The following CA10 variants were observed in gnomAD, a reference collection of about 807,000 sequenced individuals.
The protein encoded by CA10 is carbonic anhydrase 10 (inactive), also known as carbonic anhydrase-related protein 10.
CA10 carries 14 observed loss-of-function variants against 44.2 expected under a neutral mutation model. That is an observed-to-expected ratio of 0.32 (90% CI 0.21 to 0.50). The LOEUF is 0.50. CA10 is among the 20% of genes least tolerant of loss of function. CA10 has a pLI of 0.99. For missense variants in CA10, 350 were observed against 409.7 expected, an observed-to-expected ratio of 0.85 and a Z score of 1.26; for synonymous variants, 159 against 141.6, an observed-to-expected ratio of 1.12 and a Z score of -0.87.
chr17:52,049,749 C>G (rs1408249326), intron 2 of CA10, among the ~76,000 whole-genome samples: 6 of 152,104 alleles, frequency 3.9e-5, no homozygotes, highest in Non-Finnish European at 7.4e-5. Flanking sequence ...GAAAGTTTCA[C>G]AAGTGCATCA....
At chr17:51,936,698 A>C (rs1174049325) in intron 2 of CA10, among the ~76,000 whole-genome samples, 2 of 120,962 alleles carry the variant, frequency 1.7e-5, no homozygotes, top group African/African-American at 2.6e-5. Context: ...CCAAGTTAAT[A>C]GAAAGCCACT....
chr17:52,039,432 T>G (rs920331427), intron 2 of CA10, among the ~76,000 whole-genome samples: 1 of 151,930 alleles, frequency 6.6e-6, no homozygotes, highest in African/African-American at 2.4e-5. Flanking sequence ...GTTACATTGA[T>G]TTTTTTTAAA....
chr17:51,726,692 T>C (rs1171462154), intron 4 of CA10, among the ~76,000 whole-genome samples: 1 of 152,230 alleles, frequency 6.6e-6, no homozygotes, highest in Non-Finnish European at 1.5e-5. Flanking sequence ...TCCCCTTAAC[T>C]ATACTGGTAG....
At chr17:52,064,406 C>T (rs1341073181) in intron 2 of CA10, among the ~76,000 whole-genome samples, 1 of 152,142 alleles carries the variant, frequency 6.6e-6, no homozygotes, top group Non-Finnish European at 1.5e-5. Context: ...AAAATCAAGG[C>T]AGGTACCACT....
chr17:51,902,586 G>A (rs759755888), intron 3 of CA10, among the ~76,000 whole-genome samples: 2 of 152,072 alleles, frequency 1.3e-5, no homozygotes, highest in Non-Finnish European at 2.9e-5. Flanking sequence ...TTAACTCAGT[G>A]CTTTCTTCCA....
chr17:52,135,050 C>T (rs1349433530), intron 1 of CA10: 1 of 484,810 alleles, frequency 2.1e-6, no homozygotes, highest in African/African-American at 2.0e-5. Context: ...CTGAGGTCGC[C>T]TGTGAGAAAT....
At chr17:51,825,421 C>G (rs959243549) in intron 3 of CA10, among the ~76,000 whole-genome samples, 1 of 152,032 alleles carries the variant, frequency 6.6e-6, no homozygotes, top group African/African-American at 2.4e-5. Flanking sequence ...CTTATGTAAT[C>G]CCATAAGAAC....
rs185136349 is a variant in CA10, at chr17:51,792,038, G to A, written c.280-44220C>T. On this transcript the variant is annotated intron_variant, in intron 3 of 8. Coordinates refer to ENST00000451037, the MANE Select transcript of CA10 (RefSeq NM_020178.5). ...GATGGGTGGGGCTGGGAAGGAAGGAGACAACAAGTGAGAGAGAAATAAATA... is the reference window on the plus strand; with the variant it reads ...GATGGGTGGGGCTGGGAAGGAAGGAAACAACAAGTGAGAGAGAAATAAATA... 2.8e-4 allele frequency among the ~76,000 whole-genome samples: 42 copies of A among 152,288 alleles called. No individual in the cohort carries two copies. In the East Asian group the frequency reaches 6.2e-3, roughly 22 times the overall value.
chr17:51,812,865 T>TGA (rs1907425464), intron 3 of CA10, among the ~76,000 whole-genome samples: 1 of 152,216 alleles, frequency 6.6e-6, no homozygotes, highest in South Asian at 2.1e-4. Flanking sequence ...GGAGTACTGA[T>TGA]GAGAGCCATC....
intron 2 of CA10, among the ~76,000 whole-genome samples, chr17:51,958,532 G>T (rs1983753297): frequency 6.6e-6 from 1 of 152,088 alleles, no homozygotes; most frequent in African/African-American, 2.4e-5. Flanking sequence ...AAGGCAAGAA[G>T]AAAAACACTA....
intron 2 of CA10, among the ~76,000 whole-genome samples, chr17:52,064,800 G>A (rs138085959): frequency 6.6e-6 from 1 of 152,156 alleles, no homozygotes; most frequent in Non-Finnish European, 1.5e-5. Context: ...TAGCCTGCTA[G>A]GTCCAATGCT....
chr17:52,142,854 G>A (rs1473850339), intron 1 of CA10, among the ~76,000 whole-genome samples: 1 of 152,136 alleles, frequency 6.6e-6, no homozygotes, highest in African/African-American at 2.4e-5. Context: ...CTTACCCAAA[G>A]CCAACCAGCT....
At chr17:51,847,570 T>C (rs550580450) in intron 3 of CA10, among the ~76,000 whole-genome samples, 10 of 152,216 alleles carry the variant, frequency 6.6e-5, no homozygotes, top group Admixed American at 3.3e-4. Context: ...ATCTCTTAAG[T>C]TGGGATATAT....
intron 4 of CA10, among the ~76,000 whole-genome samples, chr17:51,707,669 A>G (rs1397945331): frequency 2.5e-5 from 1 of 39,746 alleles, no homozygotes; most frequent in African/African-American, 6.6e-5. Flanking sequence ...AAGTGGATGA[A>G]TATGTGTGTG....
chr17:51,651,440 G>GCAAGAAAGTTT (rs1157308291), intron 5 of CA10, among the ~76,000 whole-genome samples: 1 of 152,196 alleles, frequency 6.6e-6, no homozygotes, highest in African/African-American at 2.4e-5. Flanking sequence ...TTGAGATCTA[G>GCAAGAAAGTTT]CAAGAAAGTT....
intron 4 of CA10, among the ~76,000 whole-genome samples, chr17:51,719,431 C>G (rs1484544272): frequency 6.6e-6 from 1 of 152,168 alleles, no homozygotes; most frequent in Non-Finnish European, 1.5e-5. Flanking sequence ...GTATTTCCCC[C>G]GTAGCCCAGC....
intron 2 of CA10, among the ~76,000 whole-genome samples, chr17:52,040,880 G>C (rs1250342492): frequency 2.6e-5 from 4 of 151,916 alleles, no homozygotes. Flanking sequence ...CTGGAGAGAA[G>C]AATACCCAAA....
Position 51,677,894 on chromosome 17 carries a change from C to G in CA10, c.466-24158G>C, listed in dbSNP as rs563811469. Among the ~76,000 whole-genome samples, 291 of 144,086 alleles carry G rather than the reference C, an allele frequency of 2.0e-3. 2 individuals carry two copies. The highest frequency in any genetic ancestry group is 6.6e-3 in the African/African-American group (271 of 41,004). The allele number at this position is 144,086 out of a possible 152,430, so 94.5% of individuals were successfully genotyped here. A position where few individuals can be genotyped will look rare whatever the true frequency, so the allele number is the denominator to read the frequency against. On this transcript the variant is annotated intron_variant, in intron 4 of 8. Coordinates refer to ENST00000451037, the MANE Select transcript of CA10 (RefSeq NM_020178.5). ...CCACTCCTAGGTATACACCCCCCCC[C>G]CCACCGGCTGCCAATTGAAAATAGG...
intron 4 of CA10, among the ~76,000 whole-genome samples, chr17:51,738,024 G>A (rs932331397): frequency 6.6e-6 from 1 of 152,160 alleles, no homozygotes; most frequent in Admixed American, 6.5e-5. Flanking sequence ...GCATGGCACA[G>A]GCAACTAAGT....
Sources: gnomAD v4.1 joint callset for allele counts (sites outside exome capture counted in the v4.1 genomes callset) on GRCh38, gnomAD v4.1.1 for gene constraint, MANE v1.5 for transcripts, NCBI Gene and HGNC (gene_info 2026-07-23, HGNC 2026-07-21) for gene names.